PDE7A: variants seen among roughly 807,000 people sequenced by gnomAD.
The protein encoded by PDE7A is high affinity 3',5'-cyclic-AMP phosphodiesterase 7A.
In PDE7A, 39 loss-of-function variants were observed where a neutral mutation model predicts 64.3. The ratio of observed to expected loss-of-function variants is 0.61; its 90% CI spans 0.47 to 0.79. The LOEUF (loss-of-function observed/expected upper bound fraction) is 0.79. Among genes scored for constraint, PDE7A ranks in the 30% least tolerant of loss-of-function variants. PDE7A has a pLI of 0.00. For missense variants in PDE7A, 470 were observed against 582.8 expected (o/e 0.81, Z 1.99); for synonymous variants, 203 against 206.8 (o/e 0.98, Z 0.16).
At chr8:65,774,403 A>G (rs1809199030) in intron 3 of PDE7A, among the ~76,000 whole-genome samples, 1 of 152,176 alleles carries the variant, frequency 6.6e-6, no homozygotes, top group Non-Finnish European at 1.5e-5. Flanking sequence ...CTTTGAAACT[A>G]ATCATCAATC....
chr8:65,727,291 G>C lies in PDE7A; in HGVS notation c.707C>G (p.Ser236Cys), dbSNP rs759254631. ...CYLKEPKLAN[S>C]VTPWDILLSL... Reference sequence around the variant, plus strand: ...CAGCAAGATATCCCAAGGAGTTACAGAATTGGCAAGCTGAAGTGTGACAAA... The same window carrying C: ...CAGCAAGATATCCCAAGGAGTTACACAATTGGCAAGCTGAAGTGTGACAAA... The change falls in exon 8 of 13, where the codon TCT becomes TGT. Residue 236 changes from serine to cysteine, a missense_variant. Transcript: ENST00000401827. 2 of 1,612,030 alleles carry C rather than the reference G, an allele frequency of 1.2e-6. No individual in the cohort carries two copies. The highest frequency in any genetic ancestry group is 8.5e-7 in the Non-Finnish European group (1 of 1,178,184).
chr8:65,755,470 C>T (rs1010252214), intron 3 of PDE7A, among the ~76,000 whole-genome samples: 6 of 152,080 alleles, frequency 3.9e-5, no homozygotes, highest in African/African-American at 1.4e-4. Context: ...TTATAAAGAC[C>T]TAGTTTGAAT....
intron 1 of PDE7A, among the ~76,000 whole-genome samples, chr8:65,800,989 T>G (rs1809972370): frequency 6.6e-6 from 1 of 152,124 alleles, no homozygotes; most frequent in South Asian, 2.1e-4. Context: ...ACTGACTTAG[T>G]AGTCAAAAAT....
chr8:65,757,611 G>C (rs1201390443), intron 3 of PDE7A, among the ~76,000 whole-genome samples: 3 of 150,886 alleles, frequency 2.0e-5, no homozygotes, highest in East Asian at 3.9e-4. Context: ...TTTTTGTTTT[G>C]TTTTGTTTTG....
chr8:65,740,472 C>T (rs1807367408), intron 5 of PDE7A, among the ~76,000 whole-genome samples: 1 of 152,098 alleles, frequency 6.6e-6, no homozygotes, highest in Non-Finnish European at 1.5e-5. Context: ...GCGATCTTGG[C>T]TCACTGCAAC....
At chr8:65,807,280 T>C (rs1476565491) in intron 1 of PDE7A, among the ~76,000 whole-genome samples, 2 of 152,256 alleles carry the variant, frequency 1.3e-5, no homozygotes, top group East Asian at 3.8e-4. Context: ...AAGTATTTTA[T>C]GCTTTTTCAT....
At chr8:65,725,632 A>G (rs1806577386) in intron 9 of PDE7A, 1 of 152,202 alleles carries the variant, frequency 6.6e-6, no homozygotes, top group Non-Finnish European at 1.5e-5. Context: ...GGCCATAGCA[A>G]ATACTATCTC....
rs757095926 is a variant in PDE7A at position 65,779,807 on chromosome 8, G to C, written c.200-4C>G. On this transcript the variant is annotated splice_region_variant and splice_polypyrimidine_tract_variant and intron_variant, in intron 2 of 12. Coordinates refer to ENST00000401827, the MANE Select transcript of PDE7A (RefSeq NM_001242318.3). ...CGGCTCCTTACACGTACATCTCCTG[G>C]ACAGAATCAAGAATAAAACATAAGT... 1.3e-6 allele frequency: 2 copies of C among 1,561,886 alleles called. No homozygotes were observed. Among genetic ancestry groups the C allele is most frequent in the Non-Finnish European group, 1.8e-6 (2 of 1,140,966 alleles).
chr8:65,717,359 A>G lies in PDE7A; in HGVS notation c.*1931T>C, dbSNP rs1476621864. Among the ~76,000 whole-genome samples, 1 of 152,224 alleles carries G rather than the reference A, an allele frequency of 6.6e-6. No individual in the cohort carries two copies. Among genetic ancestry groups the G allele is most frequent in the Non-Finnish European group, 1.5e-5 (1 of 68,050 alleles). The stretch of plus-strand genomic sequence containing the variant: ...TGGAGTGGCCTTTTCTTATCACTTT[A>G]AAAAGGCCAATGATTGATAGAAATA... On this transcript the variant is annotated 3_prime_UTR_variant, in exon 13 of 13. Transcript: ENST00000401827.
chr8:65,765,818 CAT>C (rs776533695), intron 3 of PDE7A: 7 of 152,152 alleles, frequency 4.6e-5, no homozygotes, highest in Non-Finnish European at 8.8e-5. Flanking sequence ...AATGGGCATG[CAT>C]AATGGGATTA....
intron 7 of PDE7A, among the ~76,000 whole-genome samples, chr8:65,730,955 A>T (rs563177542): frequency 6.6e-6 from 1 of 152,252 alleles, no homozygotes; most frequent in East Asian, 1.9e-4. Flanking sequence ...AAAACATAAA[A>T]ACAGAGAACA....
chr8:65,832,352 TCA>T (rs766423011), intron 1 of PDE7A, among the ~76,000 whole-genome samples: 8 of 152,206 alleles, frequency 5.3e-5, no homozygotes, highest in Non-Finnish European at 7.4e-5. Flanking sequence ...TTTCAATTTT[TCA>T]CAGTGATAAA....
At chr8:65,758,445 C>T (rs1255634919) in intron 3 of PDE7A, among the ~76,000 whole-genome samples, 2 of 152,136 alleles carry the variant, frequency 1.3e-5, no homozygotes, top group Admixed American at 6.5e-5. Context: ...GTGCACTTCT[C>T]CCTTGGCAAG....
At chr8:65,748,348 C>G (rs1193299004) in intron 3 of PDE7A, among the ~76,000 whole-genome samples, 1 of 152,042 alleles carries the variant, frequency 6.6e-6, no homozygotes, top group Non-Finnish European at 1.5e-5. Flanking sequence ...TGGTTTATAT[C>G]CTGTAAGTGT....
chr8:65,811,388 G>A (rs917175488), intron 1 of PDE7A, among the ~76,000 whole-genome samples: 4 of 152,142 alleles, frequency 2.6e-5, no homozygotes, highest in African/African-American at 9.7e-5. Flanking sequence ...CCCTCCAGGG[G>A]GAAAAGCTGG....
intron 7 of PDE7A, among the ~76,000 whole-genome samples, chr8:65,732,956 C>T (rs10110985): frequency 0.12 from 18,231 of 151,984 alleles, 1,939 homozygotes; most frequent in East Asian, 0.52. Context: ...GCAAGCCATC[C>T]GCCTCAGCCT....
At chr8:65,829,227 T>A (rs777948889) in intron 1 of PDE7A, among the ~76,000 whole-genome samples, 9 of 152,168 alleles carry the variant, frequency 5.9e-5, no homozygotes, top group Non-Finnish European at 1.2e-4. Flanking sequence ...ATTCATAAGT[T>A]AATTTTTAAA....
intron 3 of PDE7A, among the ~76,000 whole-genome samples, chr8:65,768,840 TA>T (rs1222962921): frequency 9.2e-5 from 14 of 152,102 alleles, no homozygotes; most frequent in Non-Finnish European, 1.9e-4. Flanking sequence ...TAATAGATAA[TA>T]AAAGATATAA....
intron 1 of PDE7A, among the ~76,000 whole-genome samples, chr8:65,803,614 C>T (rs1359454827): frequency 6.6e-6 from 1 of 152,054 alleles, no homozygotes; most frequent in East Asian, 1.9e-4. Flanking sequence ...CTTTTAATGG[C>T]AAAATAGTTT....
Sources: allele counts gnomAD v4.1 joint callset (sites outside exome capture counted in the v4.1 genomes callset), GRCh38; gene constraint gnomAD v4.1.1; transcripts MANE v1.5; gene names NCBI Gene and HGNC (gene_info 2026-07-23, HGNC 2026-07-21).